GABRG3: variants seen among roughly 807,000 people sequenced by gnomAD.
The protein encoded by GABRG3 is gamma-aminobutyric acid type A receptor subunit gamma3.
A neutral mutation model predicts 48.8 loss-of-function variants in GABRG3; 25 were observed. The observed-to-expected ratio is 0.51, with a 90% CI of 0.37 to 0.72. GABRG3 has a LOEUF of 0.72. Ranked by LOEUF, GABRG3 falls within the 30% of genes least tolerant of loss-of-function variation. The probability of loss-of-function intolerance (pLI) is 0.00; values close to 1 mark genes in which losing one functional copy is unlikely to be tolerated. For missense variants in GABRG3, 394 were observed against 577.9 expected (o/e 0.68, Z 3.26); for synonymous variants, 227 against 217.6 (o/e 1.04, Z -0.38).
chr15:27,036,013 T>C (rs1022792545), intron 3 of GABRG3, among the ~76,000 whole-genome samples: 4 of 152,236 alleles, frequency 2.6e-5, no homozygotes, highest in African/African-American at 9.6e-5. Flanking sequence ...GCTAATCCAA[T>C]AAATATGGCT....
In GABRG3 at chr15:27,319,232, T is replaced by C. The variant is rs1450514463; in HGVS notation, c.271-7577T>C. Among the ~76,000 whole-genome samples the C allele has an allele frequency of 2.6e-5, 4 of 152,154 alleles. No homozygotes were observed. The highest frequency in any genetic ancestry group is 9.7e-5 in the African/African-American group (4 of 41,438). ...CAGTAAAGCCAGGGGGAAAAAAATG[T>C]CTGAAACCAACAAGGGCTCCAGTGA... On this transcript the variant is annotated intron_variant, in intron 3 of 9. Coordinates refer to ENST00000615808, the MANE Select transcript of GABRG3 (RefSeq NM_033223.5). This position sits in a 1 kb window ranked among gnomAD's most constrained non-coding sequence, Gnocchi z 4.4.
intron 5 of GABRG3, among the ~76,000 whole-genome samples, chr15:27,346,067 G>A (rs1377553768): frequency 0.45 from 172 of 382 alleles, 5 homozygotes; most frequent in East Asian, 0.5. Context: ...AANNAAAAAA[G>A]AGAGAGAAAG....
chr15:27,080,358 A>G (rs542835144), intron 3 of GABRG3, among the ~76,000 whole-genome samples: 1 of 152,274 alleles, frequency 6.6e-6, no homozygotes, highest in Non-Finnish European at 1.5e-5. Context: ...ACTACTTGGG[A>G]GACTGAGGTG....
chr15:27,037,267 G>C (rs1595486291), intron 3 of GABRG3, among the ~76,000 whole-genome samples: 1 of 152,312 alleles, frequency 6.6e-6, no homozygotes, highest in South Asian at 2.1e-4. Flanking sequence ...CCCAGCACTA[G>C]CACTAACACA....
At chr15:27,443,178 C>G (rs1183011361) in intron 5 of GABRG3, among the ~76,000 whole-genome samples, 1 of 152,140 alleles carries the variant, frequency 6.6e-6, no homozygotes, top group Non-Finnish European at 1.5e-5. Context: ...GATTAGGACA[C>G]CGATATACCC....
At chr15:27,128,665 G>T (rs542104461) in intron 3 of GABRG3, among the ~76,000 whole-genome samples, 3 of 152,312 alleles carry the variant, frequency 2.0e-5, no homozygotes, top group East Asian at 3.9e-4. Flanking sequence ...CAGTTGTTTT[G>T]TTAGAACTTC....
In GABRG3 at chr15:27,064,264, C is replaced by T. The variant is rs541422625; in HGVS notation, c.270+37443C>T. ...GAGGTGTGAGAAGCAGATGGCCACA[C>T]GTCACTCTGGTTAGAGAAGTGAAAT... On this transcript the variant is annotated intron_variant, in intron 3 of 9. Coordinates refer to ENST00000615808, the MANE Select transcript of GABRG3 (RefSeq NM_033223.5). 4.6e-5 allele frequency among the ~76,000 whole-genome samples: 7 copies of T among 152,234 alleles called. No individual in the cohort carries two copies. In the East Asian group the frequency reaches 5.8e-4, roughly 13 times the overall value.
chr15:27,523,033 A>G (rs1015903277), intron 7 of GABRG3, among the ~76,000 whole-genome samples: 1 of 151,880 alleles, frequency 6.6e-6, no homozygotes, highest in Non-Finnish European at 1.5e-5. Flanking sequence ...TAATTACATC[A>G]TGAAAGTGAA....
At chr15:27,240,375 C>T (rs1171227524) in intron 3 of GABRG3, among the ~76,000 whole-genome samples, 2 of 152,100 alleles carry the variant, frequency 1.3e-5, no homozygotes, top group African/African-American at 4.8e-5. Flanking sequence ...AAGGTAGGAG[C>T]CTTGCTTGCC....
At chr15:27,393,156 A>T (rs1434975788) in intron 5 of GABRG3, among the ~76,000 whole-genome samples, 4 of 151,780 alleles carry the variant, frequency 2.6e-5, no homozygotes, top group Non-Finnish European at 5.9e-5. Flanking sequence ...CCATCCTGGC[A>T]ACACGGTGAA....
chr15:27,190,824 G>T (rs907197248), intron 3 of GABRG3, among the ~76,000 whole-genome samples: 4 of 151,998 alleles, frequency 2.6e-5, no homozygotes, highest in African/African-American at 9.7e-5. Flanking sequence ...ATGTTAGGGT[G>T]TCAATTTTGG....
At chr15:26,995,485 CT>C (rs1302890214) in intron 2 of GABRG3, among the ~76,000 whole-genome samples, 3 of 149,752 alleles carry the variant, frequency 2.0e-5, no homozygotes, top group Non-Finnish European at 4.5e-5. Flanking sequence ...TGATGTTTTG[CT>C]TTTTTTTCTC....
At chr15:27,346,169 C>G (rs192364315) in intron 5 of GABRG3, among the ~76,000 whole-genome samples, 1 of 151,984 alleles carries the variant, frequency 6.6e-6, no homozygotes, top group South Asian at 2.1e-4. Context: ...TTCTATATTT[C>G]TCTTTTGAGG....
At chr15:27,359,431 AACTT>A (rs1355795665) in intron 5 of GABRG3, among the ~76,000 whole-genome samples, 5 of 152,224 alleles carry the variant, frequency 3.3e-5, no homozygotes, top group Admixed American at 6.5e-5. Context: ...CTGTGACTAA[AACTT>A]AATTTAATGA....
At chr15:27,306,648 AC>A (rs1332577876) in intron 3 of GABRG3, among the ~76,000 whole-genome samples, 3 of 64,896 alleles carry the variant, frequency 4.6e-5, no homozygotes, top group Non-Finnish European at 1.0e-4. Flanking sequence ...TTATATATAA[AC>A]ATATATATGA....
Position 27,180,563 on chromosome 15 carries a change from T to C in GABRG3, c.271-146246T>C, listed in dbSNP as rs1887897173. Among the ~76,000 whole-genome samples, 1 of 152,200 alleles carries C rather than the reference T, an allele frequency of 6.6e-6. No homozygotes were observed. The highest frequency in any genetic ancestry group is 1.9e-4 in the East Asian group (1 of 5,142). On this transcript the variant is annotated intron_variant, in intron 3 of 9. Coordinates refer to ENST00000615808, the MANE Select transcript of GABRG3 (RefSeq NM_033223.5). The surrounding 1 kb of genome is among the most constrained non-coding windows in gnomAD (Gnocchi z 4.2). ...CAGGTTCAACTCATCGCTCTAACCA[T>C]GTCATCCTGATTCACTCAACTTTAC...
intron 2 of GABRG3, among the ~76,000 whole-genome samples, chr15:26,978,078 TGTTA>T (rs1400395695): frequency 2.0e-5 from 3 of 152,236 alleles, no homozygotes; most frequent in Non-Finnish European, 4.4e-5. Flanking sequence ...TTTCCCTAAT[TGTTA>T]GTGATACTGA....
At chr15:27,095,069 C>T (rs956976429) in intron 3 of GABRG3, among the ~76,000 whole-genome samples, 1 of 152,170 alleles carries the variant, frequency 6.6e-6, no homozygotes, top group African/African-American at 2.4e-5. Context: ...AGACAGGCAT[C>T]TCTGCAAATG....
chr15:27,341,785 G>A (rs972867532), intron 5 of GABRG3, among the ~76,000 whole-genome samples: 2 of 152,152 alleles, frequency 1.3e-5, no homozygotes, highest in African/African-American at 4.8e-5. Flanking sequence ...AAGACACTCA[G>A]GCCATGGAGT....
Sources: allele counts gnomAD v4.1 joint callset (sites outside exome capture counted in the v4.1 genomes callset), GRCh38; gene constraint gnomAD v4.1.1; non-coding constraint Gnocchi (gnomAD v3.1); transcripts MANE v1.5; gene names NCBI Gene and HGNC (gene_info 2026-07-23, HGNC 2026-07-21).